ERBB4: variants seen among roughly 807,000 people sequenced by gnomAD.
ERBB4 encodes receptor tyrosine-protein kinase erbB-4.
In ERBB4, 42 loss-of-function variants were observed where a neutral mutation model predicts 158.0. That is an observed-to-expected ratio of 0.27 (90% confidence interval 0.21 to 0.34). The LOEUF (loss-of-function observed/expected upper bound fraction) is 0.34, where lower values mean the gene tolerates loss of function less well. Ranked by LOEUF, ERBB4 falls within the 10% of genes least tolerant of loss-of-function variation. The pLI is 1.00. For synonymous variants in ERBB4, 583 were observed against 558.7 expected (o/e 1.04, Z -0.61); for missense variants, 1,333 against 1,624.1 (o/e 0.82, Z 3.08).
At chr2:211,684,215 G>A (rs1325564800) in intron 12 of ERBB4, among the ~76,000 whole-genome samples, 3 of 152,086 alleles carry the variant, frequency 2.0e-5, no homozygotes, top group Admixed American at 6.6e-5. Context: ...ATTTTGAGAG[G>A]CCAAAGCTGG....
chr2:211,515,905 T>TATATATATATATATATATATATAC (rs1559248803), intron 20 of ERBB4, among the ~76,000 whole-genome samples: 2 of 91,076 alleles, frequency 2.2e-5, no homozygotes, highest in South Asian at 3.2e-4. Flanking sequence ...ATTATATATA[T>TATATATATATATATATATATATAC]ATATATATTT....
chr2:212,085,772 G>T (rs901425084), intron 2 of ERBB4, among the ~76,000 whole-genome samples: 1 of 151,724 alleles, frequency 6.6e-6, no homozygotes, highest in Non-Finnish European at 1.5e-5. Flanking sequence ...TCCTCATAAA[G>T]TGGCTTCGAT....
At chr2:211,400,841 T>A (rs2063025111) in intron 25 of ERBB4, among the ~76,000 whole-genome samples, 1 of 152,116 alleles carries the variant, frequency 6.6e-6, no homozygotes. Context: ...CTATTTACCC[T>A]GATGTGATTA....
At chr2:212,309,151 T>G (rs977171138) in intron 1 of ERBB4, among the ~76,000 whole-genome samples, 3 of 150,896 alleles carry the variant, frequency 2.0e-5, no homozygotes, top group South Asian at 2.1e-4. Flanking sequence ...TGAAGAAATA[T>G]GGAGAAAAAT....
At chr2:211,450,334 G>T (rs2064214423) in intron 20 of ERBB4, among the ~76,000 whole-genome samples, 1 of 152,108 alleles carries the variant, frequency 6.6e-6, no homozygotes, top group Non-Finnish European at 1.5e-5. Flanking sequence ...AAGTCCTTGG[G>T]ATGTATAAAC....
intron 25 of ERBB4, among the ~76,000 whole-genome samples, chr2:211,391,798 AATTTT>A (rs911479538): frequency 2.0e-5 from 3 of 152,210 alleles, no homozygotes; most frequent in Admixed American, 2.0e-4. Context: ...GTTCCTGAGA[AATTTT>A]ATTTATTAAA....
intron 2 of ERBB4, among the ~76,000 whole-genome samples, chr2:212,014,545 G>A (rs775437894): frequency 6.6e-6 from 1 of 152,016 alleles, no homozygotes; most frequent in Non-Finnish European, 1.5e-5. Context: ...TAAACGGAGT[G>A]GTCAATGACA....
chr2:211,517,336 T>C (rs1204885414), intron 20 of ERBB4, among the ~76,000 whole-genome samples: 1 of 152,140 alleles, frequency 6.6e-6, no homozygotes, highest in East Asian at 1.9e-4. Context: ...GTAGTATCTT[T>C]GAAATATCTG....
chr2:212,058,216 TACAC>T (rs895193638), intron 2 of ERBB4, among the ~76,000 whole-genome samples: 2 of 152,124 alleles, frequency 1.3e-5, no homozygotes, highest in Non-Finnish European at 2.9e-5. Flanking sequence ...CCTGGACACA[TACAC>T]CCTCCCAAGA....
chr2:211,724,917 C>A (rs192826288), intron 6 of ERBB4, among the ~76,000 whole-genome samples, 159 bp downstream of exon 6: 15 of 152,164 alleles, frequency 9.9e-5, no homozygotes, highest in Admixed American at 9.2e-4. Context: ...CAGTAGACAA[C>A]CTAGTGAGGG....
intron 1 of ERBB4, among the ~76,000 whole-genome samples, chr2:212,380,319 T>G (rs528633069): frequency 1.7e-3 from 254 of 151,488 alleles, no homozygotes; most frequent in Admixed American, 3.1e-3. Flanking sequence ...TACATTGTAT[T>G]AGGTATTACT....
In ERBB4 at chr2:211,431,119, C is replaced by T. The variant is rs1293774523; in HGVS notation, c.2488-19G>A. 12 of 1,609,990 alleles carry T rather than the reference C, an allele frequency of 7.5e-6. No individual in the cohort carries two copies. Among genetic ancestry groups the T allele is most frequent in the South Asian group, 2.2e-5 (2 of 90,984 alleles). ...TCATTCCCTGAAAAATATCAAGTTC[C>T]TTAATGATATTCAGTTAATGCCCAG... On this transcript the variant is annotated intron_variant, in intron 20 of 27. Coordinates refer to ENST00000342788, the MANE Select transcript of ERBB4 (RefSeq NM_005235.3).
At chr2:211,981,161 T>C (rs764428856) in intron 2 of ERBB4, among the ~76,000 whole-genome samples, 1 of 152,072 alleles carries the variant, frequency 6.6e-6, no homozygotes, top group Admixed American at 6.6e-5. Flanking sequence ...AACCAATAAG[T>C]GAGAGAGGAC....
chr2:211,709,274 T>TATATATATATAC (rs1553615210), intron 9 of ERBB4, among the ~76,000 whole-genome samples: 43 of 136,536 alleles, frequency 3.1e-4, no homozygotes, highest in African/African-American at 1.2e-3. Flanking sequence ...TATATATATA[T>TATATATATATAC]ACATACATAT....
At chr2:212,043,602 T>G (rs1006926560) in intron 2 of ERBB4, among the ~76,000 whole-genome samples, 2 of 152,158 alleles carry the variant, frequency 1.3e-5, no homozygotes, top group Non-Finnish European at 2.9e-5. Flanking sequence ...AATAAGGATC[T>G]TATATTGATT....
chr2:212,003,196 AGAAAGAAAGACAGAAAGAAGGAAG>A (rs1214076043), intron 2 of ERBB4, among the ~76,000 whole-genome samples: 756 of 66,090 alleles, frequency 0.011, 41 homozygotes, highest in Non-Finnish European at 0.018. Context: ...AAAGAAAGAA[AGAAAGAAAGACAGAAAGAAGGAAG>A]GAAGGAAGGA....
intron 1 of ERBB4, among the ~76,000 whole-genome samples, chr2:212,134,888 G>C (rs184228633): frequency 2.6e-5 from 4 of 151,714 alleles, no homozygotes; most frequent in African/African-American, 9.7e-5. Flanking sequence ...GGGTTTCACC[G>C]TGTCAGCTAG....
intron 19 of ERBB4, among the ~76,000 whole-genome samples, chr2:211,580,881 A>T (rs1461536753): frequency 0.014 from 40 of 2,812 alleles, 5 homozygotes; most frequent in African/African-American, 0.04. Context: ...ATATATATAT[A>T]TATATATATA....
intron 1 of ERBB4, among the ~76,000 whole-genome samples, chr2:212,261,417 G>A (rs112203715): frequency 0.063 from 9,542 of 152,128 alleles, 357 homozygotes; most frequent in Non-Finnish European, 0.081. Flanking sequence ...GTTAACAACT[G>A]TGTCACCTCT....
Sources: gnomAD v4.1 joint callset for allele counts (sites outside exome capture counted in the v4.1 genomes callset) on GRCh38, gnomAD v4.1.1 for gene constraint, MANE v1.5 for transcripts, NCBI Gene and HGNC (gene_info 2026-07-23, HGNC 2026-07-21) for gene names.